Variants in UBE4A observed in about 807,000 individuals in gnomAD.
The protein encoded by UBE4A is ubiquitin conjugation factor E4 A.
In UBE4A, 48 loss-of-function variants were observed where a neutral mutation model predicts 117.9. The observed-to-expected ratio is 0.41, with a 90% confidence interval of 0.32 to 0.52. The LOEUF (loss-of-function observed/expected upper bound fraction) is 0.52. UBE4A is among the 20% of genes least tolerant of loss of function. UBE4A has a pLI of 0.33. For missense variants in UBE4A, 1,067 were observed against 1,296.3 expected, an observed-to-expected ratio of 0.82 and a Z score of 2.72; for synonymous variants, 407 against 450.0, an observed-to-expected ratio of 0.90 and a Z score of 1.21.
intron 17 of UBE4A, among the ~76,000 whole-genome samples, 184 bp from the exon 18 acceptor site, chr11:118,390,470 TATA>T (rs1555128144): frequency 6.9e-6 from 1 of 145,622 alleles, no homozygotes; most frequent in Non-Finnish European, 1.5e-5. Flanking sequence ...ATTTTATTAT[TATA>T]AATAATAAAT....
At chr11:118,369,396 A>C in intron 3 of UBE4A, 27 bp from the exon 4 acceptor site, 1 of 1,542,962 alleles carries the variant, frequency 6.5e-7, no homozygotes, top group East Asian at 2.2e-5. Context: ...ATTATCCTTA[A>C]CCTATCATAT....
At chr11:118,391,156 A>G (rs895479985) in intron 18 of UBE4A, among the ~76,000 whole-genome samples, 8 of 152,216 alleles carry the variant, frequency 5.3e-5, no homozygotes, top group Non-Finnish European at 1.2e-4. Context: ...CAATATTCTT[A>G]GTTTTATTCT....
chr11:118,379,397 T>G (rs1162595702), intron 10 of UBE4A, 49 bp from the exon 11 acceptor site: 2 of 1,555,386 alleles, frequency 1.3e-6, no homozygotes, highest in African/African-American at 2.7e-5. Flanking sequence ...TGTTTTTTTG[T>G]GACTTTCTGT....
At chr11:118,363,390 A>G (rs892450565) in intron 1 of UBE4A, among the ~76,000 whole-genome samples, 1 of 152,112 alleles carries the variant, frequency 6.6e-6, no homozygotes, top group African/African-American at 2.4e-5. Context: ...AAAAATCCAA[A>G]TAACAGTTCA....
chr11:118,371,284 TGCTGGG>T (rs1948606518), intron 4 of UBE4A, among the ~76,000 whole-genome samples: 1 of 152,168 alleles, frequency 6.6e-6, no homozygotes, highest in Non-Finnish European at 1.5e-5. Context: ...GCCTACTCTA[TGCTGGG>T]GCTATACTAG....
chr11:118,373,559 G>T lies in UBE4A; in HGVS notation c.990G>T (p.Leu330=), dbSNP rs1396855904. 6.2e-7 allele frequency: 1 copy of T among 1,614,040 alleles called. No homozygotes were observed. The highest frequency in any genetic ancestry group is 1.3e-5 in the African/African-American group (1 of 74,918). ...TNGQMYQKTL[L]GVILSISCLL... ...GGCAAATGTACCAGAAGACCTTGCTGGGAGTAATTCTGAGTATCTCCTGCT... is the reference window on the plus strand; with the variant it reads ...GGCAAATGTACCAGAAGACCTTGCTTGGAGTAATTCTGAGTATCTCCTGCT... Residue 330 remains leucine (L), a synonymous_variant, in exon 8 of 20, where the codon CTG becomes CTT. Coordinates refer to ENST00000252108, the MANE Select transcript of UBE4A (RefSeq NM_001204077.2).
At chr11:118,359,851 C>A (rs554646553) in intron 1 of UBE4A, among the ~76,000 whole-genome samples, 177 bp downstream of exon 1, 2 of 152,284 alleles carry the variant, frequency 1.3e-5, no homozygotes, top group South Asian at 2.1e-4. Flanking sequence ...GATTTGGAAC[C>A]CCTTACAGTG....
In UBE4A at chr11:118,368,619, A is replaced by G. The variant is rs757824276; in HGVS notation, c.122-12A>G. 10 of 1,613,888 alleles carry G rather than the reference A, an allele frequency of 6.2e-6. No individual in the cohort carries two copies. In the East Asian group the frequency reaches 6.7e-5, roughly 11 times the overall value. On this transcript the variant is annotated splice_polypyrimidine_tract_variant and intron_variant, in intron 2 of 19. Coordinates refer to ENST00000252108, the MANE Select transcript of UBE4A (RefSeq NM_001204077.2). ...AGGGGTGTAACATTTAACAGTATAC[A>G]TTTTCTGGCAGATGAACTCCCAGCT...
At chr11:118,361,073 G>A (rs1045900706) in intron 1 of UBE4A, among the ~76,000 whole-genome samples, 40 of 147,332 alleles carry the variant, frequency 2.7e-4, no homozygotes, top group African/African-American at 9.3e-4. Flanking sequence ...CTGGAGTGCA[G>A]TGGCACGATC....
chr11:118,373,260 A>C lies in UBE4A; in HGVS notation c.896A>C (p.Tyr299Ser). ...TATGCATATCTGGATATTCTTCTCT[A>C]TTTCACTAGGCAAAAAGATATGGCA... ...LLYAYLDILLYFTRQKDMAKV... is the reference protein window; with the variant it reads ...LLYAYLDILLSFTRQKDMAKV... The change falls in exon 7 of 20, where the codon TAT (tyrosine) becomes TCT (serine). Residue 299 changes from tyrosine (Y) to serine (S), a missense_variant. This residue lies in a region of UBE4A where 1,001 missense variants were observed against 1,184.0 expected (regional missense o/e 0.85). Coordinates refer to ENST00000252108, the MANE Select transcript of UBE4A (RefSeq NM_001204077.2). 1.9e-6 allele frequency: 3 copies of C among 1,612,916 alleles called. No homozygotes were observed. Among genetic ancestry groups the C allele is most frequent in the Non-Finnish European group, 2.5e-6 (3 of 1,179,940 alleles).
intron 11 of UBE4A, among the ~76,000 whole-genome samples, 174 bp from the exon 12 acceptor site, chr11:118,381,217 C>T (rs1180083571): frequency 6.6e-6 from 1 of 152,092 alleles, no homozygotes; most frequent in Admixed American, 6.5e-5. Flanking sequence ...TTTAAATTGA[C>T]TTACATTTAA....
rs544675145 is a variant in UBE4A at position 118,382,847 on chromosome 11, A to G, written c.2197+71A>G. 1.7e-4 allele frequency: 225 copies of G among 1,341,152 alleles called. 2 individuals carry two copies. In the South Asian group the frequency reaches 2.8e-3, roughly 17 times the overall value. 83.1% of individuals were successfully genotyped at this position (1,341,152 alleles called of 1,614,324 possible). ...AGTGGAGTTTCATAGTTTGATCCGT[A>G]TTTGGATATCAAAGAAATGTCAAGC... On this transcript the variant is annotated intron_variant, in intron 13 of 19. Coordinates refer to ENST00000252108, the MANE Select transcript of UBE4A (RefSeq NM_001204077.2).
intron 8 of UBE4A, among the ~76,000 whole-genome samples, chr11:118,374,395 A>G (rs967095046): frequency 1.3e-5 from 2 of 152,228 alleles, no homozygotes; most frequent in Non-Finnish European, 2.9e-5. Flanking sequence ...GAGGCATTGA[A>G]TGATTGAATT....
intron 18 of UBE4A, among the ~76,000 whole-genome samples, chr11:118,391,638 C>CA: frequency 6.8e-6 from 1 of 147,244 alleles, no homozygotes; most frequent in Middle Eastern, 3.9e-3. Context: ...ACTAAAAATA[C>CA]AAAAAATTAG....
intron 13 of UBE4A, among the ~76,000 whole-genome samples, chr11:118,383,648 G>GCC (rs1948727904): frequency 6.8e-6 from 1 of 147,796 alleles, no homozygotes; most frequent in Non-Finnish European, 1.5e-5. Context: ...CTAACCCTGA[G>GCC]CCCCTGTGTT....
At chr11:118,375,256 CTG>C (rs61368823) in intron 9 of UBE4A, 27 bp downstream of exon 9, 57,214 of 1,301,868 alleles carry the variant, frequency 0.044, 33 homozygotes, top group Admixed American at 0.058. Context: ...CTTCTCAAAA[CTG>C]TGTGTGTGTG....
chr11:118,394,013 G>T (rs1162890127), intron 19 of UBE4A, among the ~76,000 whole-genome samples: 6 of 152,148 alleles, frequency 3.9e-5, no homozygotes, highest in African/African-American at 1.4e-4. Context: ...CTATTCTTCG[G>T]ACAGTCTGCC....
intron 10 of UBE4A, chr11:118,378,664 C>T (rs1948674450): frequency 6.6e-6 from 1 of 152,192 alleles, no homozygotes; most frequent in Admixed American, 6.5e-5. Flanking sequence ...AGAGAGAAAT[C>T]TCCATCATAG....
Position 118,375,256 on chromosome 11 carries a change from C to G in UBE4A, c.1450+27C>G. 6.8e-7 allele frequency: 1 copy of G among 1,475,474 alleles called. No homozygotes were observed. 91.4% of individuals were successfully genotyped at this position (1,475,474 alleles called of 1,614,324 possible). ...TAGGAGAGAACCAGGCTTCTCAAAA[C>G]TGTGTGTGTGTGTGTGTGTAACGTG... On this transcript the variant is annotated intron_variant, in intron 9 of 19. Coordinates refer to ENST00000252108, the MANE Select transcript of UBE4A (RefSeq NM_001204077.2).
Sources: gnomAD v4.1 joint callset for allele counts (sites outside exome capture counted in the v4.1 genomes callset) on GRCh38, gnomAD v4.1.1 for gene constraint, gnomAD v4.1.1 regional missense constraint, MANE v1.5 for transcripts, NCBI Gene and HGNC (gene_info 2026-07-23, HGNC 2026-07-21) for gene names.